Variants in SHISA9 observed in about 807,000 individuals in gnomAD.
The protein encoded by SHISA9 is shisa family member 9.
SHISA9 carries 13 observed loss-of-function variants against 38.0 expected under a neutral mutation model. The observed-to-expected ratio is 0.34, with a 90% CI of 0.22 to 0.54. The LOEUF (loss-of-function observed/expected upper bound fraction) is 0.54. Ranked by LOEUF, SHISA9 falls within the 20% of genes least tolerant of loss-of-function variation. The pLI is 0.91. For missense variants in SHISA9, 538 were observed against 575.8 expected (o/e 0.93, Z 0.67); for synonymous variants, 275 against 242.0 (o/e 1.14, Z -1.27).
the SHISA9 span, among the ~76,000 whole-genome samples, chr16:13,457,656 A>ACC: frequency 6.6e-6 from 1 of 151,488 alleles, no homozygotes; most frequent in Non-Finnish European, 1.5e-5. Flanking sequence ...GAGCCATTTT[A>ACC]CCATCCGTAA....
the SHISA9 span, among the ~76,000 whole-genome samples, chr16:13,406,797 G>A: frequency 2.0e-5 from 3 of 152,070 alleles, no homozygotes; most frequent in Admixed American, 1.3e-4. Flanking sequence ...GGTCGGGTGC[G>A]GTGGCTCATG....
chr16:13,050,060 A>G (rs1191383255), intron 2 of SHISA9, among the ~76,000 whole-genome samples: 1 of 152,170 alleles, frequency 6.6e-6, no homozygotes, highest in Non-Finnish European at 1.5e-5. Context: ...GGGATGCTAC[A>G]TAGAGGAGGT....
chr16:13,002,533 CTT>C (rs35810010), intron 2 of SHISA9, among the ~76,000 whole-genome samples: 14 of 125,604 alleles, frequency 1.1e-4, no homozygotes, highest in East Asian at 2.2e-4. Flanking sequence ...TGGTTCCTGT[CTT>C]TTTTTTTTTT....
At chr16:13,450,466 A>G in the SHISA9 span, among the ~76,000 whole-genome samples, 1 of 152,254 alleles carries the variant, frequency 6.6e-6, no homozygotes, top group African/African-American at 2.4e-5. Flanking sequence ...GGCCACTTCA[A>G]CTTTCATGGG....
At chr16:13,088,432 C>A (rs988998861) in intron 2 of SHISA9, among the ~76,000 whole-genome samples, 3 of 152,178 alleles carry the variant, frequency 2.0e-5, no homozygotes, top group Non-Finnish European at 4.4e-5. Flanking sequence ...GATATTGATT[C>A]TTCCTATCCA....
chr16:13,483,108 T>A, the SHISA9 span, among the ~76,000 whole-genome samples: 99 of 152,194 alleles, frequency 6.5e-4, no homozygotes, highest in Admixed American at 1.2e-3. Context: ...CACAGACACA[T>A]GTGGGTGAAT....
the SHISA9 span, among the ~76,000 whole-genome samples, chr16:13,536,800 A>G: frequency 6.6e-6 from 1 of 152,240 alleles, no homozygotes; most frequent in Non-Finnish European, 1.5e-5. Context: ...AGATAATAAA[A>G]GATTTTAACT....
the SHISA9 span, among the ~76,000 whole-genome samples, chr16:13,248,584 C>A: frequency 2.6e-5 from 4 of 152,168 alleles, no homozygotes; most frequent in Non-Finnish European, 5.9e-5. Context: ...CCCAGTCATA[C>A]CAACCTTGTC....
At chr16:12,957,665 T>C (rs2071854033) in intron 2 of SHISA9, among the ~76,000 whole-genome samples, 1 of 152,154 alleles carries the variant, frequency 6.6e-6, no homozygotes, top group Admixed American at 6.5e-5. Context: ...GGGAGGTACA[T>C]AAACATTCAG....
At chr16:13,508,446 A>G in the SHISA9 span, among the ~76,000 whole-genome samples, 5 of 152,176 alleles carry the variant, frequency 3.3e-5, no homozygotes, top group African/African-American at 1.2e-4. Flanking sequence ...TTTTCTTAGG[A>G]TAGATTTCCA....
At chr16:13,275,878 G>T in the SHISA9 span, among the ~76,000 whole-genome samples, 1 of 151,162 alleles carries the variant, frequency 6.6e-6, no homozygotes, top group Non-Finnish European at 1.5e-5. Context: ...TTCTAACTAG[G>T]TCTTCATCAA....
the SHISA9 span, among the ~76,000 whole-genome samples, chr16:13,298,617 G>C: frequency 6.6e-6 from 1 of 152,160 alleles, no homozygotes; most frequent in Non-Finnish European, 1.5e-5. Context: ...ACCCACTTTT[G>C]TCTGACTCTA....
chr16:13,477,771 C>A, the SHISA9 span, among the ~76,000 whole-genome samples: 2 of 152,136 alleles, frequency 1.3e-5, no homozygotes, highest in Non-Finnish European at 2.9e-5. Context: ...TCAAGACCAG[C>A]CTGACCAACA....
chr16:13,427,650 A>G, the SHISA9 span, among the ~76,000 whole-genome samples: 1 of 152,202 alleles, frequency 6.6e-6, no homozygotes, highest in East Asian at 1.9e-4. Context: ...AAGTTGGGAC[A>G]TGAATGACAG....
At position 13,203,493 on chromosome 16, in the gene SHISA9, A is replaced by G. The variant is rs2051026883; in HGVS notation, c.791A>G (p.Tyr264Cys). 1 of 1,550,220 alleles carries G rather than the reference A, an allele frequency of 6.5e-7. No individual in the cohort carries two copies. Among genetic ancestry groups the G allele is most frequent in the Non-Finnish European group, 8.7e-7 (1 of 1,146,278 alleles). ...AACCTGGGCCAGATCTCCAACCCCT[A>G]TGAACAGCAGCCACCAGGAAAAGAG... ...YPNLGQISNP[Y>C]EQQPPGKELN... Residue 264 changes from tyrosine (Y) to cysteine (C), a missense_variant, in exon 3 of 5, where the codon TAT (tyrosine) becomes TGT (cysteine). This residue lies in a region of SHISA9 where 326 missense variants were observed against 305.9 expected (regional missense o/e 1.07). Transcript: ENST00000558583.
At chr16:13,014,457 G>A (rs2072717258) in intron 2 of SHISA9, among the ~76,000 whole-genome samples, 1 of 152,230 alleles carries the variant, frequency 6.6e-6, no homozygotes, top group Non-Finnish European at 1.5e-5. Flanking sequence ...AGCAGAGCAA[G>A]TGATAATGTC....
the SHISA9 span, among the ~76,000 whole-genome samples, chr16:13,481,278 C>T: frequency 1.3e-5 from 2 of 151,792 alleles, no homozygotes. Flanking sequence ...TTTTTCCCAT[C>T]ACCCAAGTAT....
the SHISA9 span, among the ~76,000 whole-genome samples, chr16:13,553,377 T>C: frequency 6.6e-6 from 1 of 152,210 alleles, no homozygotes; most frequent in Non-Finnish European, 1.5e-5. Context: ...CGCTAGGCAC[T>C]GTGCTTTACA....
chr16:13,561,466 C>T, the SHISA9 span, among the ~76,000 whole-genome samples: 1 of 152,200 alleles, frequency 6.6e-6, no homozygotes, highest in African/African-American at 2.4e-5. Flanking sequence ...AAGTGAGAAA[C>T]AAGCCGTGGG....
Sources: allele counts gnomAD v4.1 joint callset (sites outside exome capture counted in the v4.1 genomes callset), GRCh38; gene constraint gnomAD v4.1.1; regional missense constraint gnomAD v4.1.1; transcripts MANE v1.5; gene names NCBI Gene and HGNC (gene_info 2026-07-23, HGNC 2026-07-21).